The following C12orf75 variants were observed in gnomAD, a reference collection of about 807,000 sequenced individuals.
C12orf75 encodes chromosome 12 open reading frame 75.
In C12orf75, 4 loss-of-function variants were observed where a neutral mutation model predicts 11.4. That is an observed-to-expected ratio of 0.35 (90% CI 0.17 to 0.80). C12orf75 has a LOEUF of 0.80. Among genes scored for constraint, C12orf75 ranks in the 30% least tolerant of loss-of-function variants. C12orf75 has a pLI of 0.52. For missense variants in C12orf75, 89 were observed against 80.4 expected (o/e 1.11, Z -0.41); for synonymous variants, 30 against 30.0 (o/e 1.00, Z 0.00).
intron 5 of C12orf75, 70 bp downstream of exon 5, chr12:105,367,579 G>A: frequency 2.6e-6 from 1 of 387,412 alleles, no homozygotes; most frequent in Non-Finnish European, 4.8e-6. Flanking sequence ...GATATTATTT[G>A]CTCTATAAAA....
In C12orf75 at chr12:105,371,417, AAATT is replaced by A. The variant is rs1159473670; in HGVS notation, c.*822_*825del. Reference sequence around the variant, plus strand: ...GATGGATGGTTAGTGGGATATCTGGAAATTAATTTGATAATGACTTGTGTATCTA... The same window carrying A: ...GATGGATGGTTAGTGGGATATCTGGAAATTTGATAATGACTTGTGTATCTA... On this transcript the variant is annotated 3_prime_UTR_variant, in exon 6 of 6. Coordinates refer to ENST00000443585, the MANE Select transcript of C12orf75 (RefSeq NM_001145199.2). The A allele has an allele frequency of 6.6e-6, 1 of 152,210 alleles. No individual in the cohort carries two copies. The highest frequency in any genetic ancestry group is 1.5e-5 in the Non-Finnish European group (1 of 68,030). The allele number at this position is 152,210 out of a possible 1,614,324, so 9.4% of individuals were successfully genotyped here.
At chr12:105,358,721 C>T (rs1307464625) in intron 2 of C12orf75, among the ~76,000 whole-genome samples, 2 of 152,174 alleles carry the variant, frequency 1.3e-5, no homozygotes, top group African/African-American at 4.8e-5. Context: ...GATAGGTTTT[C>T]AGTCATGCTT....
At chr12:105,369,388 AT>A (rs1871566906) in intron 5 of C12orf75, among the ~76,000 whole-genome samples, 2 of 151,954 alleles carry the variant, frequency 1.3e-5, no homozygotes, top group Non-Finnish European at 2.9e-5. Flanking sequence ...AACTTTCCCC[AT>A]TCTTTAACTC....
intron 1 of C12orf75, among the ~76,000 whole-genome samples, chr12:105,338,988 T>C (rs1229032957): frequency 6.6e-6 from 1 of 152,232 alleles, no homozygotes; most frequent in African/African-American, 2.4e-5. Flanking sequence ...TTTATGTCAA[T>C]ATATAATTTT....
rs180722115 is a variant in C12orf75 at position 105,348,726 on chromosome 12, G to T, written c.71+100G>T. ...AGATCTCTGTGGGTATGGCTGAAAA[G>T]ACATGGAAATACTTTGTGTATAATG... On this transcript the variant is annotated intron_variant, in intron 2 of 5. Coordinates refer to ENST00000443585, the MANE Select transcript of C12orf75 (RefSeq NM_001145199.2). The T allele has an allele frequency of 9.7e-6, 7 of 719,352 alleles. No homozygotes were observed. The Admixed American group carries it at 2.2e-4, about 23-fold the overall frequency. The allele number at this position is 719,352 out of a possible 1,614,324, so 44.6% of individuals were successfully genotyped here.
At chr12:105,370,332 C>G (rs1871592767) in intron 5 of C12orf75, among the ~76,000 whole-genome samples, 2 of 152,136 alleles carry the variant, frequency 1.3e-5, no homozygotes, top group Admixed American at 1.3e-4. Context: ...CGAACAGTCT[C>G]TATTTTTAAT....
In C12orf75 at chr12:105,337,145, G is replaced by A. The variant is rs1892508311; in HGVS notation, c.46+6208G>A. ...TTGAGACCAGCCTGGCTGACATGGC[G>A]AAACCCCATCTCTACTAAAAATACA... On this transcript the variant is annotated intron_variant, in intron 1 of 5. Transcript: ENST00000443585. 1.3e-5 allele frequency among the ~76,000 whole-genome samples: 2 copies of A among 152,006 alleles called. 1 individual carries two copies. Among genetic ancestry groups the A allele is most frequent in the Admixed American group, 1.3e-4 (2 of 15,258 alleles).
chr12:105,349,838 C>G (rs574199620), intron 2 of C12orf75, among the ~76,000 whole-genome samples: 16 of 152,220 alleles, frequency 1.1e-4, no homozygotes, highest in African/African-American at 3.6e-4. Flanking sequence ...GATCACACCA[C>G]TGCACTCCAG....
At chr12:105,366,020 C>T (rs1871464106) in intron 3 of C12orf75, 178 bp downstream of exon 3, 1 of 630,232 alleles carries the variant, frequency 1.6e-6, no homozygotes, top group South Asian at 2.0e-5. Flanking sequence ...ATCATCTTTG[C>T]TCCTTCCAAG....
intron 2 of C12orf75, among the ~76,000 whole-genome samples, chr12:105,355,467 C>T (rs1334267972): frequency 6.6e-6 from 1 of 152,134 alleles, no homozygotes; most frequent in Non-Finnish European, 1.5e-5. Context: ...TGCACGTGGC[C>T]ATTTTCATGG....
At chr12:105,368,871 G>A (rs887496783) in intron 5 of C12orf75, among the ~76,000 whole-genome samples, 1 of 152,098 alleles carries the variant, frequency 6.6e-6, no homozygotes, top group African/African-American at 2.4e-5. Context: ...GAGGGTATTC[G>A]GTTTCTTCTT....
intron 2 of C12orf75, among the ~76,000 whole-genome samples, chr12:105,357,115 A>G (rs530561991): frequency 6.6e-6 from 1 of 152,312 alleles, no homozygotes; most frequent in East Asian, 1.9e-4. Context: ...AGAGACATTC[A>G]ATGTCTCCAG....
chr12:105,352,873 A>T (rs1892730620), intron 2 of C12orf75, among the ~76,000 whole-genome samples: 1 of 152,228 alleles, frequency 6.6e-6, no homozygotes, highest in Non-Finnish European at 1.5e-5. Flanking sequence ...CTACATGTGT[A>T]TCAGAAAACA....
chr12:105,358,515 T>A (rs904780156), intron 2 of C12orf75, among the ~76,000 whole-genome samples: 1 of 152,190 alleles, frequency 6.6e-6, no homozygotes, highest in African/African-American at 2.4e-5. Flanking sequence ...AGCAAGACCC[T>A]GTCTCAGAAA....
At chr12:105,354,993 C>T (rs990162941) in intron 2 of C12orf75, among the ~76,000 whole-genome samples, 5 of 151,614 alleles carry the variant, frequency 3.3e-5, no homozygotes, top group African/African-American at 1.2e-4. Context: ...TTTTTTTCCT[C>T]CCTAGGGAGT....
intron 2 of C12orf75, among the ~76,000 whole-genome samples, chr12:105,361,300 A>AG (rs1458260758): frequency 3.9e-5 from 6 of 152,256 alleles, no homozygotes; most frequent in South Asian, 2.1e-4. Flanking sequence ...GAGTTTTGTG[A>AG]GGGGGAAAAA....
At chr12:105,356,439 CTTTTTT>C (rs77310165) in intron 2 of C12orf75, among the ~76,000 whole-genome samples, 14 of 106,320 alleles carry the variant, frequency 1.3e-4, no homozygotes, top group Non-Finnish European at 2.3e-4. Context: ...AGACTACAGG[CTTTTTT>C]TTTTTTTTTT....
intron 2 of C12orf75, among the ~76,000 whole-genome samples, chr12:105,350,224 A>G (rs1024317552): frequency 6.6e-6 from 1 of 152,340 alleles, no homozygotes; most frequent in East Asian, 1.9e-4. Flanking sequence ...CCTCTGCTCA[A>G]AACCTTTCAA....
intron 2 of C12orf75, among the ~76,000 whole-genome samples, chr12:105,361,512 T>C (rs1239645033): frequency 6.6e-6 from 1 of 152,200 alleles, no homozygotes; most frequent in Admixed American, 6.5e-5. Flanking sequence ...AAACGACCTT[T>C]AGGGAAATGA....
Sources: allele counts gnomAD v4.1 joint callset (sites outside exome capture counted in the v4.1 genomes callset), GRCh38; gene constraint gnomAD v4.1.1; transcripts MANE v1.5; gene names NCBI Gene and HGNC (gene_info 2026-07-23, HGNC 2026-07-21).